Variants in HAPSTR1 observed in about 807,000 individuals in gnomAD.
HAPSTR1 encodes HUWE1-associated protein modifying stress responses 1.
chr16:9,103,478 C>T, the HAPSTR1 span: 11 of 526,458 alleles, frequency 2.1e-5, no homozygotes, highest in African/African-American at 2.1e-4. Flanking sequence ...TTAGTTTGAG[C>T]TTATTGGTGT....
the HAPSTR1 span, chr16:9,108,474 T>C: frequency 6.6e-6 from 1 of 152,204 alleles, no homozygotes; most frequent in Non-Finnish European, 1.5e-5. Context: ...GCATGAGCCA[T>C]GATGCCTGGC....
At chr16:9,102,760 G>T in the HAPSTR1 span, among the ~76,000 whole-genome samples, 1 of 151,840 alleles carries the variant, frequency 6.6e-6, no homozygotes, top group Non-Finnish European at 1.5e-5. Flanking sequence ...AACAAGCCAA[G>T]CTCCAGGACT....
chr16:9,113,661 T>A, the HAPSTR1 span, among the ~76,000 whole-genome samples: 1 of 152,212 alleles, frequency 6.6e-6, no homozygotes, highest in East Asian at 1.9e-4. Flanking sequence ...AACGTGCCCA[T>A]ATTTTGCCAT....
the HAPSTR1 span, among the ~76,000 whole-genome samples, chr16:9,101,300 C>G: frequency 3.3e-5 from 5 of 152,172 alleles, no homozygotes; most frequent in Non-Finnish European, 7.3e-5. Context: ...GGAGTTCATG[C>G]TTTGTTTATG....
the HAPSTR1 span, chr16:9,108,158 G>A: frequency 6.6e-6 from 1 of 152,202 alleles, no homozygotes; most frequent in African/African-American, 2.4e-5. Context: ...CTTTGTAAAA[G>A]CATCACACTA....
At chr16:9,106,393 C>T in the HAPSTR1 span, 1 of 151,308 alleles carries the variant, frequency 6.6e-6, no homozygotes, top group Non-Finnish European at 1.5e-5. Context: ...GATTCTCGTG[C>T]CTCAGTCTCC....
At chr16:9,095,831 A>G in the HAPSTR1 span, among the ~76,000 whole-genome samples, 1 of 152,230 alleles carries the variant, frequency 6.6e-6, no homozygotes, top group Non-Finnish European at 1.5e-5. Flanking sequence ...TGTAAATAGT[A>G]GGGTCAGACT....
At chr16:9,092,989 A>G in the HAPSTR1 span, 2 of 1,608,648 alleles carry the variant, frequency 1.2e-6, no homozygotes, top group East Asian at 2.2e-5. Context: ...CGCCGTCACC[A>G]ATCTCTACAA....
the HAPSTR1 span, chr16:9,103,424 C>A: frequency 1.5e-6 from 1 of 685,128 alleles, no homozygotes; most frequent in Non-Finnish European, 2.3e-6. Flanking sequence ...TTAATATGGG[C>A]GATTTCTGTC....
chr16:9,118,029 C>T, the HAPSTR1 span: 2 of 152,594 alleles, frequency 1.3e-5, no homozygotes, highest in African/African-American at 4.8e-5. Context: ...GATTCTCTAG[C>T]TGTTAGGTAG....
chr16:9,103,375 C>T, the HAPSTR1 span: 10 of 1,100,992 alleles, frequency 9.1e-6, no homozygotes. Flanking sequence ...CAGTAAACAG[C>T]TTGCTCTAGA....
the HAPSTR1 span, chr16:9,103,924 GTTGTTGC>G: frequency 6.6e-6 from 1 of 152,272 alleles, no homozygotes. Context: ...TGATAAGTCT[GTTGTTGC>G]TTGTTGCTGT....
At chr16:9,094,523 C>T in the HAPSTR1 span, among the ~76,000 whole-genome samples, 5 of 151,790 alleles carry the variant, frequency 3.3e-5, no homozygotes, top group African/African-American at 1.2e-4. Flanking sequence ...TATCTATCAC[C>T]CCCACCTCCC....
At chr16:9,096,463 G>A in the HAPSTR1 span, among the ~76,000 whole-genome samples, 34 of 152,284 alleles carry the variant, frequency 2.2e-4, no homozygotes, top group East Asian at 3.5e-3. Context: ...ATGCCCTTAA[G>A]TCCTCACTTT....
At chr16:9,109,167 A>G in the HAPSTR1 span, 1 of 152,182 alleles carries the variant, frequency 6.6e-6, no homozygotes, top group Non-Finnish European at 1.5e-5. Flanking sequence ...ATGTTGACAG[A>G]CTAGTGAAGT....
chr16:9,103,324 C>G, the HAPSTR1 span: 3 of 1,533,322 alleles, frequency 2.0e-6, no homozygotes, highest in African/African-American at 4.2e-5. Context: ...ACCCATTTTT[C>G]ACGGTTAGGT....
At chr16:9,120,317 A>C in the HAPSTR1 span, 1 of 152,248 alleles carries the variant, frequency 6.6e-6, no homozygotes, top group African/African-American at 2.4e-5. Context: ...CTTACCCCAT[A>C]AGGCCAGCTT....
At chr16:9,103,129 T>G in the HAPSTR1 span, 2 of 1,614,038 alleles carry the variant, frequency 1.2e-6, no homozygotes, top group Non-Finnish European at 1.7e-6. Flanking sequence ...GTGGAAAAGT[T>G]CCTCCACCAC....
the HAPSTR1 span, among the ~76,000 whole-genome samples, chr16:9,115,840 C>T: frequency 1.3e-5 from 2 of 152,086 alleles, no homozygotes; most frequent in Admixed American, 1.3e-4. Flanking sequence ...GTCATGAACT[C>T]CTGACCTGAA....
Sources: allele counts gnomAD v4.1 joint callset (sites outside exome capture counted in the v4.1 genomes callset), GRCh38; gene constraint gnomAD v4.1.1; transcripts MANE v1.5; gene names NCBI Gene and HGNC (gene_info 2026-07-23, HGNC 2026-07-21).